The following NRG1 variants were observed in gnomAD, a reference collection of about 807,000 sequenced individuals.
The protein encoded by NRG1 is pro-neuregulin-1, membrane-bound isoform.
In NRG1, 18 loss-of-function variants were observed where a neutral mutation model predicts 63.8. The observed-to-expected ratio is 0.28, with a 90% CI of 0.19 to 0.42. The LOEUF is 0.42. Ranked by LOEUF, NRG1 falls within the 10% of genes least tolerant of loss-of-function variation. The pLI, the probability that NRG1 is intolerant of heterozygous loss-of-function variation, is 1.00. For synonymous variants in NRG1, 302 were observed against 301.3 expected (o/e 1.00, Z -0.02); for missense variants, 762 against 814.7 (o/e 0.94, Z 0.79).
chr8:32,350,124 G>A (rs1483002624), intron 1 of NRG1, among the ~76,000 whole-genome samples: 2 of 152,142 alleles, frequency 1.3e-5, no homozygotes, highest in African/African-American at 4.8e-5. Context: ...TGTACCCTAA[G>A]TGGTCCTAGA....
chr8:32,233,561 ATATTTTT>A (rs1328417245), intron 1 of NRG1, among the ~76,000 whole-genome samples: 51 of 59,346 alleles, frequency 8.6e-4, no homozygotes, highest in African/African-American at 3.7e-3. Flanking sequence ...ATATATATAT[ATATTTTT>A]TTTTTTTTTT....
chr8:32,374,814 G>A (rs1040180996), intron 1 of NRG1, among the ~76,000 whole-genome samples: 1 of 152,094 alleles, frequency 6.6e-6, no homozygotes, highest in East Asian at 1.9e-4. Context: ...AACAGGCCAG[G>A]TCTCTGTAAT....
chr8:31,893,037 T>TG (rs569988214), intron 1 of NRG1, among the ~76,000 whole-genome samples: 499 of 151,846 alleles, frequency 3.3e-3, no homozygotes, highest in African/African-American at 0.011. Context: ...GTAAAGAATA[T>TG]GGGGGAAAAA....
At chr8:32,091,139 A>G (rs1027081787) in intron 1 of NRG1, among the ~76,000 whole-genome samples, 6 of 152,054 alleles carry the variant, frequency 3.9e-5, no homozygotes, top group Non-Finnish European at 7.4e-5. Flanking sequence ...TTAGCCAGGC[A>G]TAGTGGCGGG....
chr8:32,069,189 C>T (rs2131002628), intron 1 of NRG1, among the ~76,000 whole-genome samples: 1 of 152,214 alleles, frequency 6.6e-6, no homozygotes, highest in Middle Eastern at 3.4e-3. Context: ...TTTTAGAGTT[C>T]AAAGTGAACT....
chr8:32,595,928 A>G, exon 2 of NRG1: 1 of 1,614,028 alleles, frequency 6.2e-7, no homozygotes, highest in South Asian at 1.1e-5. Flanking sequence ...CCTCTCTCAG[A>G]TTCAAGTGGT....
chr8:32,742,952 G>A lies in NRG1; in HGVS notation c.691+219G>A. On this transcript the variant is annotated intron_variant, in intron 7 of 11. Transcript: ENST00000356819. This position sits in a 1 kb window ranked among gnomAD's most constrained non-coding sequence, Gnocchi z 4.2. ...TTGGCTCTGAGATACTAATAGGTGTGTGAGGCTCCGGATGTTTCTGGAATT... is the reference window on the plus strand; with the variant it reads ...TTGGCTCTGAGATACTAATAGGTGTATGAGGCTCCGGATGTTTCTGGAATT... 10 of 1,399,498 alleles carry A rather than the reference G, an allele frequency of 7.1e-6. No individual in the cohort carries two copies. The highest frequency in any genetic ancestry group is 9.3e-6 in the Non-Finnish European group (10 of 1,073,978). 86.7% of individuals were successfully genotyped at this position (1,399,498 alleles called of 1,614,324 possible). A position where few individuals can be genotyped will look rare whatever the true frequency, so the allele number is the denominator to read the frequency against.
chr8:31,651,908 GCT>G (rs1057200692), intron 1 of NRG1, among the ~76,000 whole-genome samples: 1 of 151,884 alleles, frequency 6.6e-6, no homozygotes, highest in Admixed American at 6.6e-5. Flanking sequence ...TTTCTTTTTG[GCT>G]CTCTATCTGA....
chr8:32,158,113 C>G (rs1242074657), intron 1 of NRG1, among the ~76,000 whole-genome samples: 1 of 151,976 alleles, frequency 6.6e-6, no homozygotes, highest in African/African-American at 2.4e-5. Context: ...GCATTCATTT[C>G]CCTGCTCCCT....
intron 1 of NRG1, among the ~76,000 whole-genome samples, chr8:31,927,462 T>G (rs1563576948): frequency 7.1e-6 from 1 of 141,220 alleles, no homozygotes; most frequent in African/African-American, 2.7e-5. Flanking sequence ...TTTTTTTTTT[T>G]TTTTGAGACG....
intron 1 of NRG1, among the ~76,000 whole-genome samples, chr8:32,218,709 C>T (rs1475719650): frequency 6.6e-6 from 1 of 152,198 alleles, no homozygotes; most frequent in African/African-American, 2.4e-5. Flanking sequence ...CAAATGTTAA[C>T]TTTCTATGAG....
chr8:32,157,728 A>C (rs1167887712), intron 1 of NRG1, among the ~76,000 whole-genome samples: 1 of 150,850 alleles, frequency 6.6e-6, no homozygotes, highest in Middle Eastern at 3.2e-3. Context: ...ATATATAGAG[A>C]GAATAAATAT....
At chr8:32,682,251 C>T (rs1363377918) in intron 5 of NRG1, among the ~76,000 whole-genome samples, 1 of 151,938 alleles carries the variant, frequency 6.6e-6, no homozygotes, top group Non-Finnish European at 1.5e-5. Context: ...GATGAATCAC[C>T]CATTCATGTG....
At chr8:31,806,520 C>T (rs1179150666) in intron 1 of NRG1, among the ~76,000 whole-genome samples, 3 of 152,128 alleles carry the variant, frequency 2.0e-5, no homozygotes, top group Non-Finnish European at 4.4e-5. Context: ...ACTTCTGCTT[C>T]AGAAAATATA....
At chr8:31,678,881 G>A (rs1808022411) in intron 1 of NRG1, among the ~76,000 whole-genome samples, 1 of 150,790 alleles carries the variant, frequency 6.6e-6, no homozygotes, top group Non-Finnish European at 1.5e-5. Context: ...TAGTACTGGT[G>A]GTTATAATGT....
intron 1 of NRG1, among the ~76,000 whole-genome samples, chr8:31,724,314 A>G (rs1351382206): frequency 1.3e-5 from 2 of 152,172 alleles, no homozygotes; most frequent in Non-Finnish European, 2.9e-5. Flanking sequence ...ACTCAATTTC[A>G]GAAGAGTTTG....
chr8:31,779,236 G>A (rs1205764173), intron 1 of NRG1, among the ~76,000 whole-genome samples: 1 of 152,160 alleles, frequency 6.6e-6, no homozygotes, highest in African/African-American at 2.4e-5. Flanking sequence ...GAGATGCTAT[G>A]TGTGCAAAGG....
intron 1 of NRG1, among the ~76,000 whole-genome samples, chr8:32,251,963 T>G (rs1849164954): frequency 6.6e-6 from 1 of 152,214 alleles, no homozygotes; most frequent in Non-Finnish European, 1.5e-5. Context: ...TGATGACGAT[T>G]TTTTCATATG....
intron 5 of NRG1, among the ~76,000 whole-genome samples, chr8:32,694,936 A>G (rs904884749): frequency 6.6e-6 from 1 of 152,076 alleles, no homozygotes; most frequent in African/African-American, 2.4e-5. Flanking sequence ...CTTTGAGTCA[A>G]CTCTGACGGG....
Sources: allele counts gnomAD v4.1 joint callset (sites outside exome capture counted in the v4.1 genomes callset), GRCh38; gene constraint gnomAD v4.1.1; non-coding constraint Gnocchi (gnomAD v3.1); transcripts MANE v1.5; gene names NCBI Gene and HGNC (gene_info 2026-07-23, HGNC 2026-07-21).